PARVA: variants seen among roughly 807,000 people sequenced by gnomAD.
The protein encoded by PARVA is alpha-parvin.
In PARVA, 25 loss-of-function variants were observed where a neutral mutation model predicts 52.6. That is an observed-to-expected ratio of 0.48 (90% CI 0.35 to 0.66). PARVA has a LOEUF of 0.66. PARVA is among the 30% of genes least tolerant of loss of function. The pLI is 0.01. For synonymous variants in PARVA, 185 were observed against 179.1 expected (o/e 1.03, Z -0.26); for missense variants, 373 against 450.9 (o/e 0.83, Z 1.56).
chr11:12,387,306 A>AG lies in PARVA; in HGVS notation c.136+9525dup, dbSNP rs1939586647. On this transcript the variant is annotated intron_variant, in intron 1 of 12. Coordinates refer to ENST00000334956, the MANE Select transcript of PARVA (RefSeq NM_018222.5). ...GGAGACCTCCTCCTGCACAGGCCCT[A>AG]GGCAGCATCCTTTCTTTTCTGTTTT... Among the ~76,000 whole-genome samples, 5 of 152,320 alleles carry AG rather than the reference A, an allele frequency of 3.3e-5. No homozygotes were observed. In the South Asian group the frequency reaches 1.0e-3, roughly 32 times the overall value.
At chr11:12,451,177 A>G (rs1179576010) in intron 1 of PARVA, among the ~76,000 whole-genome samples, 1 of 152,144 alleles carries the variant, frequency 6.6e-6, no homozygotes, top group Non-Finnish European at 1.5e-5. Context: ...AAACTGCCCC[A>G]TGAGAGGATC....
intron 1 of PARVA, among the ~76,000 whole-genome samples, chr11:12,427,975 TG>T (rs1402845117): frequency 1.3e-5 from 2 of 152,208 alleles, no homozygotes; most frequent in Non-Finnish European, 2.9e-5. Context: ...CAGCTGACAT[TG>T]CCCACTGCAT....
intron 1 of PARVA, among the ~76,000 whole-genome samples, chr11:12,442,962 C>T (rs1198326530): frequency 9.5e-6 from 1 of 105,716 alleles, no homozygotes; most frequent in African/African-American, 2.7e-5. Context: ...CCCGGGTTCA[C>T]GCCATTCTCC....
chr11:12,484,809 T>C (rs1412074547), intron 4 of PARVA, among the ~76,000 whole-genome samples: 42 of 33,842 alleles, frequency 1.2e-3, no homozygotes, highest in Middle Eastern at 0.017. Flanking sequence ...TTTTGTTGAC[T>C]TTTTTTTTTT....
intron 5 of PARVA, among the ~76,000 whole-genome samples, chr11:12,502,420 TG>T (rs1941374385): frequency 6.6e-6 from 1 of 151,976 alleles, no homozygotes; most frequent in African/African-American, 2.4e-5. Flanking sequence ...ATTTTTTTTT[TG>T]TTATTCCCTT....
intron 6 of PARVA, among the ~76,000 whole-genome samples, chr11:12,506,786 T>C (rs758590778): frequency 5.3e-5 from 8 of 152,246 alleles, no homozygotes; most frequent in Non-Finnish European, 8.8e-5. Flanking sequence ...AGTCACAGAC[T>C]GAACCACAGG....
Position 12,533,242 on chromosome 11 carries a change from A to G in PARVA, c.*5317A>G, listed in dbSNP as rs1941794669. 6.6e-6 allele frequency among the ~76,000 whole-genome samples: 1 copy of G among 152,236 alleles called. No homozygotes were observed. Among genetic ancestry groups the G allele is most frequent in the Non-Finnish European group, 1.5e-5 (1 of 68,046 alleles). On this transcript the variant is annotated 3_prime_UTR_variant, in exon 13 of 13. Transcript: ENST00000334956. ...GAGGGAATGAAATAAGGGGCCTACC[A>G]GGCCAGAACGCTGATCCATGGAGAC...
chr11:12,466,936 A>AT (rs1940861641), intron 1 of PARVA, among the ~76,000 whole-genome samples: 1 of 152,182 alleles, frequency 6.6e-6, no homozygotes, highest in African/African-American at 2.4e-5. Context: ...GCTTTCTGTG[A>AT]TTTTGACTGA....
chr11:12,524,131 T>A (rs774492698), intron 12 of PARVA, among the ~76,000 whole-genome samples: 12 of 152,220 alleles, frequency 7.9e-5, no homozygotes, highest in Non-Finnish European at 5.9e-5. Flanking sequence ...TCCACGTGAA[T>A]GATGCAGGCA....
chr11:12,384,958 A>C (rs1170076409), intron 1 of PARVA, among the ~76,000 whole-genome samples: 1 of 152,150 alleles, frequency 6.6e-6, no homozygotes, highest in African/African-American at 2.4e-5. Context: ...CTTCTGTTTT[A>C]ACTGATGGTG....
chr11:12,486,712 G>C (rs1023044328), intron 4 of PARVA, among the ~76,000 whole-genome samples: 1 of 152,078 alleles, frequency 6.6e-6, no homozygotes, highest in Non-Finnish European at 1.5e-5. Flanking sequence ...GGGGCATGGT[G>C]GTGGGCGCCT....
At chr11:12,405,145 A>G (rs1939884766) in intron 1 of PARVA, among the ~76,000 whole-genome samples, 1 of 152,180 alleles carries the variant, frequency 6.6e-6, no homozygotes, top group African/African-American at 2.4e-5. Context: ...TCTGGGCAAG[A>G]AAAAAGAGTC....
intron 1 of PARVA, among the ~76,000 whole-genome samples, chr11:12,387,674 G>A (rs781464630): frequency 9.5e-5 from 14 of 147,742 alleles, no homozygotes; most frequent in Non-Finnish European, 1.9e-4. Flanking sequence ...AAAGGCCTGT[G>A]AGACCAGAGG....
chr11:12,523,929 A>G lies in PARVA; in HGVS notation c.1043-3920A>G, dbSNP rs537051624. On this transcript the variant is annotated intron_variant, in intron 12 of 12. Transcript: ENST00000334956. ...GCCCTTCTCCTGGCTGAGATAGTCCAGTCTCCTTTTGGCCTACTAGTCTGC... is the reference window on the plus strand; with the variant it reads ...GCCCTTCTCCTGGCTGAGATAGTCCGGTCTCCTTTTGGCCTACTAGTCTGC... 8.5e-5 allele frequency among the ~76,000 whole-genome samples: 13 copies of G among 152,360 alleles called. No homozygotes were observed. In the East Asian group the frequency reaches 2.3e-3, roughly 27 times the overall value.
intron 1 of PARVA, among the ~76,000 whole-genome samples, chr11:12,418,354 G>A (rs1004930164): frequency 6.6e-6 from 1 of 152,206 alleles, no homozygotes; most frequent in Non-Finnish European, 1.5e-5. Flanking sequence ...TCCTGTTTGG[G>A]TCTTGCCCTT....
chr11:12,467,805 T>C (rs1184948534), intron 1 of PARVA, among the ~76,000 whole-genome samples: 2 of 151,922 alleles, frequency 1.3e-5, no homozygotes, highest in Non-Finnish European at 2.9e-5. Flanking sequence ...CTCAGAATGG[T>C]TTTTTGCAAG....
chr11:12,407,671 C>T (rs1939932552), intron 1 of PARVA, among the ~76,000 whole-genome samples: 1 of 152,166 alleles, frequency 6.6e-6, no homozygotes, highest in South Asian at 2.1e-4. Context: ...AAATGATCAC[C>T]AGCACAGAGG....
chr11:12,488,521 A>G (rs572003733), intron 4 of PARVA, among the ~76,000 whole-genome samples: 40 of 152,294 alleles, frequency 2.6e-4, no homozygotes, highest in African/African-American at 8.9e-4. Flanking sequence ...GGGTCAGGAG[A>G]CAAATCTTGG....
intron 5 of PARVA, 38 bp from the exon 6 acceptor site, chr11:12,504,273 GGAA>G (rs1941402879): frequency 1.7e-6 from 2 of 1,154,366 alleles, no homozygotes; most frequent in South Asian, 1.3e-5. Context: ...CCTAGAACCT[GGAA>G]GAAGATGCTG....
Sources: allele counts gnomAD v4.1 joint callset (sites outside exome capture counted in the v4.1 genomes callset), GRCh38; gene constraint gnomAD v4.1.1; transcripts MANE v1.5; gene names NCBI Gene and HGNC (gene_info 2026-07-23, HGNC 2026-07-21).